The following KRT40 variants were observed in gnomAD, a reference collection of about 807,000 sequenced individuals.
KRT40 encodes keratin 40.
A neutral mutation model predicts 43.5 loss-of-function variants in KRT40; 47 were observed. The ratio of observed to expected loss-of-function variants is 1.08; its 90% CI spans 0.86 to 1.38. The LOEUF (loss-of-function observed/expected upper bound fraction) is 1.38. Among genes scored for constraint, KRT40 ranks in the 40% most tolerant of loss-of-function variants. KRT40 has a pLI of 0.00. For synonymous variants in KRT40, 212 were observed against 214.0 expected (o/e 0.99, Z 0.08); for missense variants, 573 against 523.6 (o/e 1.09, Z -0.92).
chr17:40,979,242 G>A (rs190611480), intron 5 of KRT40, among the ~76,000 whole-genome samples: 135 of 152,248 alleles, frequency 8.9e-4, no homozygotes, highest in Non-Finnish European at 1.2e-3. Flanking sequence ...CGGGCTGGGC[G>A]CGGTGGCTCA....
Position 40,984,055 on chromosome 17 carries a change from C to A in KRT40, c.219G>T (p.Leu73Phe), listed in dbSNP as rs973101572. The stretch of plus-strand genomic sequence containing the variant: ...CCTCACACCAGGCACAGTTCCCCAC[C>A]AAGCAGGGACTATTACAACTCCCAG... ...YFTGSCNSPC[L>F]VGNCAWCEDG... The change falls in exon 1 of 7, where the codon TTG (leucine) becomes TTT (phenylalanine). Residue 73 changes from leucine to phenylalanine, a missense_variant. Coordinates refer to ENST00000377755, the MANE Select transcript of KRT40 (RefSeq NM_001389244.1). The A allele has an allele frequency of 6.2e-7, 1 of 1,614,120 alleles. No individual in the cohort carries two copies. The highest frequency in any genetic ancestry group is 1.1e-5 in the South Asian group (1 of 91,072).
Position 40,984,069 on chromosome 17 carries a change from T to C in KRT40, c.205A>G (p.Asn69Asp). 6.2e-7 allele frequency: 1 copy of C among 1,614,064 alleles called. No individual in the cohort carries two copies. Among genetic ancestry groups the C allele is most frequent in the Non-Finnish European group, 8.5e-7 (1 of 1,180,010 alleles). Residue 69 changes from asparagine to aspartate, a missense_variant, in exon 1 of 7, where the codon AAT (asparagine) becomes GAT (aspartate). Asn to Asp is a conservative substitution (Grantham distance 23). Coordinates refer to ENST00000377755, the MANE Select transcript of KRT40 (RefSeq NM_001389244.1). ...CAGTTCCCCACCAAGCAGGGACTAT[T>C]ACAACTCCCAGTAAAGTAGCATGGC... ...LLPCYFTGSCNSPCLVGNCAW... is the reference protein window; with the variant it reads ...LLPCYFTGSCDSPCLVGNCAW...
chr17:40,978,731 T>C (rs987412984), intron 6 of KRT40, 73 bp downstream of exon 6: 20 of 1,362,530 alleles, frequency 1.5e-5, no homozygotes, highest in African/African-American at 1.1e-4. Context: ...GTCCAGACTT[T>C]GGGGAAACAG....
At position 40,978,092 on chromosome 17, in the gene KRT40, G is replaced by A; in HGVS notation, c.*105C>T. On this transcript the variant is annotated 3_prime_UTR_variant, in exon 7 of 7. Coordinates refer to ENST00000377755, the MANE Select transcript of KRT40 (RefSeq NM_001389244.1). ...CCTGGAGGGCAATTCCAGGATATGA[G>A]AGCCTCCTGGATTTGTGCTTCCGGT... 1 of 790,348 alleles carries A rather than the reference G, an allele frequency of 1.3e-6. No homozygotes were observed. The highest frequency in any genetic ancestry group is 2.2e-6 in the Non-Finnish European group (1 of 460,200). The allele number at this position is 790,348 out of a possible 1,614,324, so 49.0% of individuals were successfully genotyped here.
At position 40,978,020 on chromosome 17, in the gene KRT40, A is replaced by G; in HGVS notation, c.*177T>C. On this transcript the variant is annotated 3_prime_UTR_variant, in exon 7 of 7. Transcript: ENST00000377755. ...CTTTATGGGCTTCCAGTATACCACAAATAAGCCGGAAGGAGAGGAAATAGT... is the reference window on the plus strand; with the variant it reads ...CTTTATGGGCTTCCAGTATACCACAGATAAGCCGGAAGGAGAGGAAATAGT... The G allele has an allele frequency of 3.5e-6, 2 of 566,792 alleles. No homozygotes were observed. The highest frequency in any genetic ancestry group is 1.9e-5 in the African/African-American group (1 of 53,650). The allele number at this position is 566,792 out of a possible 1,614,324, so 35.1% of individuals were successfully genotyped here.
chr17:40,983,453 T>A (rs1322305516), intron 1 of KRT40, among the ~76,000 whole-genome samples: 2 of 152,200 alleles, frequency 1.3e-5, no homozygotes, highest in African/African-American at 4.8e-5. Context: ...ATAATAGAAA[T>A]TCATGGAGAG....
At chr17:40,986,757 G>A (rs1196426931), upstream of KRT40, among the ~76,000 whole-genome samples, 1 of 151,138 alleles carries the variant, frequency 6.6e-6, no homozygotes, top group Non-Finnish European at 1.5e-5. Context: ...ACAACAACAC[G>A]GTAGTTTATT....
Sources: gnomAD v4.1 joint callset for allele counts (sites outside exome capture counted in the v4.1 genomes callset) on GRCh38, gnomAD v4.1.1 for gene constraint, MANE v1.5 for transcripts, NCBI Gene and HGNC (gene_info 2026-07-23, HGNC 2026-07-21) for gene names.